Variants in SLC14A2 observed in about 807,000 individuals in gnomAD.
SLC14A2 encodes the protein urea transporter 2.
Under a neutral mutation model 104.6 loss-of-function variants are expected in SLC14A2, and 91 were observed. The observed-to-expected ratio is 0.87, with a 90% CI of 0.73 to 1.04. The LOEUF (loss-of-function observed/expected upper bound fraction) is 1.04. SLC14A2 is among the 50% of genes least tolerant of loss of function. SLC14A2 has a pLI of 0.00. For synonymous variants in SLC14A2, 476 were observed against 466.4 expected (o/e 1.02, Z -0.27); for missense variants, 1,189 against 1,156.0 (o/e 1.03, Z -0.41).
intron 2 of SLC14A2, among the ~76,000 whole-genome samples, chr18:45,547,549 C>T (rs542453774): frequency 1.7e-3 from 265 of 152,302 alleles, no homozygotes; most frequent in Middle Eastern, 6.8e-3. Flanking sequence ...TTGGAACTGA[C>T]GGAACTCTTA....
chr18:45,324,141 C>T (rs1224979005), intron 1 of SLC14A2, among the ~76,000 whole-genome samples: 1 of 152,124 alleles, frequency 6.6e-6, no homozygotes, highest in Non-Finnish European at 1.5e-5. Context: ...CCATATATTA[C>T]TAGAAACATA....
intron 1 of SLC14A2, among the ~76,000 whole-genome samples, chr18:45,389,572 A>G (rs974991987): frequency 2.6e-5 from 4 of 152,198 alleles, no homozygotes; most frequent in Admixed American, 2.6e-4. Flanking sequence ...TTAAGTTAAT[A>G]GGTTAAAAAG....
intron 2 of SLC14A2, among the ~76,000 whole-genome samples, chr18:45,540,221 C>G (rs1454282056): frequency 6.6e-6 from 1 of 152,152 alleles, no homozygotes; most frequent in African/African-American, 2.4e-5. Flanking sequence ...CCCCTACACC[C>G]CATTTGGACT....
chr18:45,178,713 A>T, the SLC14A2 span, among the ~76,000 whole-genome samples: 1 of 152,218 alleles, frequency 6.6e-6, no homozygotes, highest in South Asian at 2.1e-4. Context: ...ATGGAATAGT[A>T]CAAGTGGAAG....
intron 2 of SLC14A2, among the ~76,000 whole-genome samples, chr18:45,584,042 C>A (rs893045167): frequency 3.9e-5 from 6 of 152,192 alleles, no homozygotes; most frequent in African/African-American, 1.2e-4. Context: ...ATTGGTTTCA[C>A]GTAAAGTCTT....
At position 45,475,661 on chromosome 18, in the gene SLC14A2, A is replaced by AG. The variant is rs1568228034; in HGVS notation, c.-124-7572_-124-7571insG. 4.0e-5 allele frequency among the ~76,000 whole-genome samples: 4 copies of AG among 101,172 alleles called. No homozygotes were observed. The South Asian group carries it at 1.0e-3, about 26-fold the overall frequency. The allele number at this position is 101,172 out of a possible 152,430, so 66.4% of individuals were successfully genotyped here. A position where few individuals can be genotyped will look rare whatever the true frequency, so the allele number is the denominator to read the frequency against. On this transcript the variant is annotated intron_variant, in intron 1 of 20. Transcript: ENST00000586448. ...ATTTAGGATATATATATATATATATATATATATATATATATATATATATAT... is the reference window on the plus strand; with the variant it reads ...ATTTAGGATATATATATATATATATAGTATATATATATATATATATATATAT...
intron 1 of SLC14A2, among the ~76,000 whole-genome samples, chr18:45,286,041 T>C (rs1374587759): frequency 3.9e-5 from 6 of 152,168 alleles, no homozygotes; most frequent in Non-Finnish European, 7.3e-5. Context: ...CAACTAGAAG[T>C]TGGCACTTTC....
chr18:45,338,815 TA>T (rs2085364225), intron 1 of SLC14A2, among the ~76,000 whole-genome samples: 1 of 151,354 alleles, frequency 6.6e-6, no homozygotes, highest in Non-Finnish European at 1.5e-5. Flanking sequence ...GATGCAGCAA[TA>T]TTCTTGTGGC....
the SLC14A2 span, among the ~76,000 whole-genome samples, chr18:45,200,505 T>A: frequency 2.0e-5 from 3 of 152,224 alleles, no homozygotes; most frequent in African/African-American, 7.2e-5. Flanking sequence ...GTATAAGTAA[T>A]GTCAATATTT....
chr18:45,391,370 G>A (rs545885617), intron 1 of SLC14A2, among the ~76,000 whole-genome samples: 5 of 152,306 alleles, frequency 3.3e-5, no homozygotes, highest in East Asian at 1.9e-4. Flanking sequence ...ATTGTGAATA[G>A]TGCCGCAATA....
At chr18:45,176,424 A>G in the SLC14A2 span, among the ~76,000 whole-genome samples, 1 of 152,108 alleles carries the variant, frequency 6.6e-6, no homozygotes, top group Non-Finnish European at 1.5e-5. Flanking sequence ...TGGTTGAGAA[A>G]CAGGATTTGC....
At chr18:45,412,818 AGGCAGGTGGTCTAAGTAAGTGGAGGT>A (rs2086228572) in intron 1 of SLC14A2, among the ~76,000 whole-genome samples, 1 of 152,142 alleles carries the variant, frequency 6.6e-6, no homozygotes, top group Admixed American at 6.6e-5. Context: ...TCATATGGCC[AGGCAGGTGGTCTAAGTAAGTGGAGGT>A]GACAGGGTGG....
intron 1 of SLC14A2, among the ~76,000 whole-genome samples, chr18:45,472,380 C>T (rs529098423): frequency 1.5e-4 from 23 of 152,190 alleles, no homozygotes; most frequent in South Asian, 8.3e-4. Context: ...ATAATCCTTT[C>T]GGTATATACC....
At chr18:45,554,984 C>T (rs2144294222) in intron 2 of SLC14A2, among the ~76,000 whole-genome samples, 1 of 152,332 alleles carries the variant, frequency 6.6e-6, no homozygotes, top group South Asian at 2.1e-4. Context: ...AGAGTTCCTT[C>T]CCTTGAGATG....
intron 1 of SLC14A2, among the ~76,000 whole-genome samples, chr18:45,446,562 TAGCTGCCCA>T (rs2086773634): frequency 6.6e-6 from 1 of 152,254 alleles, no homozygotes; most frequent in Non-Finnish European, 1.5e-5. Flanking sequence ...ATATTTGTTA[TAGCTGCCCA>T]AGCTGACCAA....
At chr18:45,244,108 G>C (rs898260074) in intron 1 of SLC14A2, among the ~76,000 whole-genome samples, 1 of 152,262 alleles carries the variant, frequency 6.6e-6, no homozygotes, top group African/African-American at 2.4e-5. Flanking sequence ...GCCAAGTTCC[G>C]GAAGCTTAGA....
chr18:45,317,567 A>C (rs527385333), intron 1 of SLC14A2, among the ~76,000 whole-genome samples: 1 of 152,180 alleles, frequency 6.6e-6, no homozygotes, highest in African/African-American at 2.4e-5. Flanking sequence ...TTTAGCTAAG[A>C]TTTGAAAGAT....
intron 16 of SLC14A2, 93 bp from the exon 17 acceptor site, chr18:45,672,807 A>T: frequency 8.7e-7 from 1 of 1,144,466 alleles, no homozygotes; most frequent in Non-Finnish European, 1.2e-6. Flanking sequence ...GCAAAATGTT[A>T]GTGGGAAGGG....
intron 1 of SLC14A2, among the ~76,000 whole-genome samples, chr18:45,410,606 G>A (rs189954526): frequency 2.6e-5 from 4 of 152,232 alleles, no homozygotes; most frequent in Admixed American, 2.0e-4. Flanking sequence ...GTATACAGGT[G>A]TATTTCTCTA....
Sources: allele counts gnomAD v4.1 joint callset (sites outside exome capture counted in the v4.1 genomes callset), GRCh38; gene constraint gnomAD v4.1.1; transcripts MANE v1.5; gene names NCBI Gene and HGNC (gene_info 2026-07-23, HGNC 2026-07-21).